The following RABGEF1 variants were observed in gnomAD, a reference collection of about 807,000 sequenced individuals.
The protein encoded by RABGEF1 is RAB guanine nucleotide exchange factor 1.
In RABGEF1, 26 loss-of-function variants were observed where a neutral mutation model predicts 57.3. That is an observed-to-expected ratio of 0.45 (90% CI 0.33 to 0.63). The LOEUF is 0.63. Ranked by LOEUF, RABGEF1 falls within the 20% of genes least tolerant of loss-of-function variation. The pLI, the probability that RABGEF1 is intolerant of heterozygous loss-of-function variation, is 0.02. For synonymous variants in RABGEF1, 185 were observed against 210.7 expected, an observed-to-expected ratio of 0.88 and a Z score of 1.06; for missense variants, 464 against 607.6, an observed-to-expected ratio of 0.76 and a Z score of 2.48.
chr7:66,704,808 C>T (rs189476271), intron 1 of RABGEF1, among the ~76,000 whole-genome samples: 8 of 147,118 alleles, frequency 5.4e-5, no homozygotes, highest in East Asian at 4.0e-4. Context: ...GAGACTCCGT[C>T]TCAAAAAAAA....
the RABGEF1 span, among the ~76,000 whole-genome samples, chr7:66,663,904 T>A: frequency 6.6e-6 from 1 of 151,996 alleles, no homozygotes; most frequent in Non-Finnish European, 1.5e-5. Flanking sequence ...TGAAACCTCA[T>A]CTCTACTAAA....
chr7:66,809,764 C>T lies in RABGEF1; in HGVS notation c.*480C>T, dbSNP rs903562150. On this transcript the variant is annotated 3_prime_UTR_variant, in exon 9 of 9. Transcript: ENST00000284957. Reference sequence around the variant, plus strand: ...AAAAAAAAGAATGGTGTCTGCTGTGCATGGCATTTTATATGTTAATTTTTT... The same window carrying T: ...AAAAAAAAGAATGGTGTCTGCTGTGTATGGCATTTTATATGTTAATTTTTT... 2 of 152,754 alleles carry T rather than the reference C, an allele frequency of 1.3e-5. No individual in the cohort carries two copies. Among genetic ancestry groups the T allele is most frequent in the African/African-American group, 4.8e-5 (2 of 41,444 alleles). The allele number at this position is 152,754 out of a possible 1,614,324, so 9.5% of individuals were successfully genotyped here.
At chr7:66,733,167 G>A (rs920453081) in intron 2 of RABGEF1, among the ~76,000 whole-genome samples, 1 of 152,112 alleles carries the variant, frequency 6.6e-6, no homozygotes, top group Non-Finnish European at 1.5e-5. Flanking sequence ...AGTCTTGGCC[G>A]TTTGGCAGTG....
At chr7:66,768,486 C>T (rs1433721922) in intron 1 of RABGEF1, among the ~76,000 whole-genome samples, 1 of 152,198 alleles carries the variant, frequency 6.6e-6, no homozygotes, top group African/African-American at 2.4e-5. Context: ...TTCTCCCATT[C>T]TGTAGCTTGT....
At chr7:66,759,664 T>C (rs1803737673) in intron 1 of RABGEF1, among the ~76,000 whole-genome samples, 1 of 152,150 alleles carries the variant, frequency 6.6e-6, no homozygotes, top group African/African-American at 2.4e-5. Flanking sequence ...GGGAGCAAAG[T>C]GTCTCCCCTA....
At chr7:66,784,380 CA>C (rs1810666832) in intron 4 of RABGEF1, among the ~76,000 whole-genome samples, 3 of 152,140 alleles carry the variant, frequency 2.0e-5, no homozygotes, top group Admixed American at 2.0e-4. Flanking sequence ...GTGACTTGTC[CA>C]AGGTTACACA....
intron 1 of RABGEF1, among the ~76,000 whole-genome samples, chr7:66,689,242 A>G (rs974568691): frequency 6.6e-6 from 1 of 152,152 alleles, no homozygotes; most frequent in Non-Finnish European, 1.5e-5. Flanking sequence ...AGAATAGGAA[A>G]AGAAGAGAAT....
At chr7:66,762,958 G>A (rs1189608973) in intron 1 of RABGEF1, among the ~76,000 whole-genome samples, 2 of 152,144 alleles carry the variant, frequency 1.3e-5, no homozygotes, top group Non-Finnish European at 2.9e-5. Context: ...TCCCAACAAA[G>A]GGGTAAGTGG....
At chr7:66,753,397 C>T (rs1801891862) in intron 1 of RABGEF1, among the ~76,000 whole-genome samples, 1 of 152,148 alleles carries the variant, frequency 6.6e-6, no homozygotes, top group Non-Finnish European at 1.5e-5. Flanking sequence ...GTAGAGTTTA[C>T]AACAATTCTT....
the RABGEF1 span, among the ~76,000 whole-genome samples, chr7:66,675,623 C>A: frequency 2.0e-5 from 3 of 151,886 alleles, no homozygotes; most frequent in Non-Finnish European, 4.4e-5. Context: ...AGATTCAGAT[C>A]GGAAAGGAAG....
At position 66,809,518 on chromosome 7, in the gene RABGEF1, G is replaced by A; in HGVS notation, c.*234G>A. 5.0e-6 allele frequency: 2 copies of A among 397,794 alleles called. No homozygotes were observed. The highest frequency in any genetic ancestry group is 4.4e-6 in the Non-Finnish European group (1 of 229,806). The allele number at this position is 397,794 out of a possible 1,614,324, so 24.6% of individuals were successfully genotyped here. ...CATTTAAGGCTTGTGTGCAAATTTT[G>A]TCTCAATCTTTTTTCCCTCCATGAT... is the stretch of plus-strand genomic sequence containing the variant. On this transcript the variant is annotated 3_prime_UTR_variant, in exon 9 of 9. Coordinates refer to ENST00000284957, the MANE Select transcript of RABGEF1 (RefSeq NM_014504.3).
chr7:66,657,246 C>A, the RABGEF1 span, among the ~76,000 whole-genome samples: 12 of 152,190 alleles, frequency 7.9e-5, no homozygotes, highest in Admixed American at 5.9e-4. Context: ...TATTAGGCTG[C>A]AAAACAAATA....
chr7:66,797,399 A>G lies in RABGEF1; in HGVS notation c.621A>G (p.Ile207Met). The G allele has an allele frequency of 6.2e-7, 1 of 1,611,478 alleles. No individual in the cohort carries two copies. The highest frequency in any genetic ancestry group is 1.1e-5 in the South Asian group (1 of 90,788). The change falls in exon 6 of 9, where the codon ATA (isoleucine) becomes ATG (methionine). Residue 207 changes from isoleucine to methionine, a missense_variant. Around this residue, in one of 4 missense-constraint regions of RABGEF1, gnomAD observed 284 missense variants for 389.9 expected, o/e 0.73. Transcript: ENST00000284957. ...TGCCTCCAGAAAGAGTCGAGAAGAT[A>G]ATGGATCAGATTGAAAAGTACATCA... ...GKVPPERVEK[I>M]MDQIEKYIMT...
At chr7:66,760,735 C>G (rs1314947631) in intron 1 of RABGEF1, among the ~76,000 whole-genome samples, 1 of 151,710 alleles carries the variant, frequency 6.6e-6, no homozygotes, top group Non-Finnish European at 1.5e-5. Flanking sequence ...AGCCACCGCA[C>G]CCAGCCAGCA....
intron 1 of RABGEF1, among the ~76,000 whole-genome samples, chr7:66,700,207 A>G (rs981592545): frequency 2.4e-4 from 36 of 152,312 alleles, no homozygotes; most frequent in African/African-American, 7.2e-4. Flanking sequence ...ATCTCTCCCT[A>G]CCAGGGCACC....
At chr7:66,795,477 A>C (rs1176990020) in intron 4 of RABGEF1, 34 bp from the exon 5 acceptor site, 1 of 1,536,666 alleles carries the variant, frequency 6.5e-7, no homozygotes, top group East Asian at 2.2e-5. Flanking sequence ...CACTTTGTTC[A>C]GCTACAAGCA....
chr7:66,729,700 G>C (rs13308803), intron 2 of RABGEF1, among the ~76,000 whole-genome samples: 51,778 of 152,014 alleles, frequency 0.34, 9,215 homozygotes, highest in Middle Eastern at 0.5. Flanking sequence ...CTCCAGGTGG[G>C]TCTCCTGCCA....
chr7:66,796,939 T>C (rs1414500203), intron 5 of RABGEF1: 1 of 438,820 alleles, frequency 2.3e-6, no homozygotes, highest in Admixed American at 2.6e-5. Context: ...ATTCTTATAC[T>C]TTTGTTCTGA....
intron 1 of RABGEF1, among the ~76,000 whole-genome samples, chr7:66,768,281 C>T (rs1483148883): frequency 1.3e-5 from 2 of 152,164 alleles, no homozygotes; most frequent in Non-Finnish European, 2.9e-5. Flanking sequence ...TCCTTGACTG[C>T]ACAGTATGTA....
Sources: allele counts gnomAD v4.1 joint callset (sites outside exome capture counted in the v4.1 genomes callset), GRCh38; gene constraint gnomAD v4.1.1; regional missense constraint gnomAD v4.1.1; transcripts MANE v1.5; gene names NCBI Gene and HGNC (gene_info 2026-07-23, HGNC 2026-07-21).